Variants in FAM107B observed in about 807,000 individuals in gnomAD.
The protein encoded by FAM107B is family with sequence similarity 107 member B.
Under a neutral mutation model 31.5 loss-of-function variants are expected in FAM107B, and 21 were observed. That is an observed-to-expected ratio of 0.67 (90% CI 0.47 to 0.96). FAM107B has a LOEUF of 0.96. FAM107B is among the 40% of genes least tolerant of loss of function. The probability of loss-of-function intolerance (pLI) is 0.00; values close to 1 mark genes in which losing one functional copy is unlikely to be tolerated. For synonymous variants in FAM107B, 157 were observed against 141.5 expected (o/e 1.11, Z -0.78); for missense variants, 452 against 377.1 (o/e 1.20, Z -1.64).
chr10:14,639,629 A>G (rs1853583468), intron 2 of FAM107B, among the ~76,000 whole-genome samples: 1 of 152,108 alleles, frequency 6.6e-6, no homozygotes, highest in African/African-American at 2.4e-5. Flanking sequence ...TTACATTCCA[A>G]TTCCAGCCTT....
At chr10:14,653,938 A>T (rs1360128758) in intron 2 of FAM107B, 1 of 152,204 alleles carries the variant, frequency 6.6e-6, no homozygotes, top group Non-Finnish European at 1.5e-5. Context: ...GTAAATATGC[A>T]AGGAAGAGTT....
intron 2 of FAM107B, among the ~76,000 whole-genome samples, chr10:14,584,477 C>A (rs1275441845): frequency 6.6e-6 from 1 of 152,228 alleles, no homozygotes; most frequent in Non-Finnish European, 1.5e-5. Flanking sequence ...AGTCTCAAAA[C>A]ATGACAACAG....
chr10:14,572,481 T>G, intron 2 of FAM107B: 1 of 848,226 alleles, frequency 1.2e-6, no homozygotes, highest in Non-Finnish European at 1.4e-6. Flanking sequence ...CCAATCAGAA[T>G]GGCCCTCCTG....
At chr10:14,636,696 A>AG (rs1189156106) in intron 2 of FAM107B, among the ~76,000 whole-genome samples, 63 of 142,554 alleles carry the variant, frequency 4.4e-4, no homozygotes, top group Admixed American at 2.1e-3. Flanking sequence ...TATGAATTTT[A>AG]GGGGGGGTGG....
At chr10:14,727,432 C>T (rs1856062979) in intron 1 of FAM107B, among the ~76,000 whole-genome samples, 1 of 152,234 alleles carries the variant, frequency 6.6e-6, no homozygotes, top group African/African-American at 2.4e-5. Context: ...GGACTTGCAA[C>T]TGTCAGCAGC....
chr10:14,682,721 T>A (rs557181027), intron 1 of FAM107B, among the ~76,000 whole-genome samples: 6 of 151,804 alleles, frequency 4.0e-5, no homozygotes, highest in African/African-American at 1.5e-4. Context: ...GAGGGGAACA[T>A]CACACAGCAG....
chr10:14,558,128 G>A (rs758966952), intron 2 of FAM107B, among the ~76,000 whole-genome samples: 3 of 152,140 alleles, frequency 2.0e-5, no homozygotes, highest in South Asian at 4.1e-4. Context: ...TAAATGCACC[G>A]CCAGACTTGG....
intron 1 of FAM107B, among the ~76,000 whole-genome samples, chr10:14,689,239 G>T (rs1564626547): frequency 6.6e-6 from 1 of 151,952 alleles, no homozygotes; most frequent in Non-Finnish European, 1.5e-5. Context: ...AATTAGCCAG[G>T]CTTGATAGTA....
At chr10:14,669,356 C>T (rs1465846469) in intron 1 of FAM107B, among the ~76,000 whole-genome samples, 5 of 94,520 alleles carry the variant, frequency 5.3e-5, no homozygotes, top group Non-Finnish European at 6.0e-5. Flanking sequence ...GGCCACAGAG[C>T]GAGACTCTGT....
chr10:14,525,404 T>C (rs1251388659), intron 3 of FAM107B, among the ~76,000 whole-genome samples: 1 of 152,174 alleles, frequency 6.6e-6, no homozygotes, highest in Non-Finnish European at 1.5e-5. Context: ...TAAGTGCTCT[T>C]TGCAGAAAAA....
chr10:14,569,621 T>C (rs920962238), intron 2 of FAM107B, among the ~76,000 whole-genome samples: 2 of 152,240 alleles, frequency 1.3e-5, no homozygotes, highest in Middle Eastern at 3.4e-3. Flanking sequence ...TTGGGAAAGA[T>C]GGAAATAGGC....
At chr10:14,588,479 G>A (rs1003220188) in intron 2 of FAM107B, among the ~76,000 whole-genome samples, 4 of 152,190 alleles carry the variant, frequency 2.6e-5, no homozygotes, top group African/African-American at 7.2e-5. Flanking sequence ...CTCCCTGGAC[G>A]CTACCAGGGT....
intron 1 of FAM107B, among the ~76,000 whole-genome samples, chr10:14,769,679 C>T (rs976087734): frequency 1.3e-5 from 2 of 152,216 alleles, no homozygotes; most frequent in African/African-American, 2.4e-5. Context: ...AGCCACCGCG[C>T]CCGGCCACAA....
At chr10:14,717,121 A>G (rs996589109) in intron 1 of FAM107B, among the ~76,000 whole-genome samples, 1 of 151,940 alleles carries the variant, frequency 6.6e-6, no homozygotes, top group Non-Finnish European at 1.5e-5. Context: ...AATTAAAGTG[A>G]CTTGTACATG....
At position 14,520,388 on chromosome 10, in the gene FAM107B, A is replaced by C. The variant is rs750408745; in HGVS notation, c.*802T>G. 8.5e-5 allele frequency: 13 copies of C among 152,218 alleles called. No individual in the cohort carries two copies. The highest frequency in any genetic ancestry group is 1.9e-4 in the Non-Finnish European group (13 of 68,036). 9.4% of individuals were successfully genotyped at this position (152,218 alleles called of 1,614,324 possible). ...CTAGTTCCACTCTCTAAGGGACTGG[A>C]AGGTTATTCCATCTGAAAGAACTAG... On this transcript the variant is annotated 3_prime_UTR_variant, in exon 5 of 5. Coordinates refer to ENST00000181796, the MANE Select transcript of FAM107B (RefSeq NM_031453.4).
At chr10:14,536,257 C>T (rs1204959975) in intron 2 of FAM107B, among the ~76,000 whole-genome samples, 1 of 152,236 alleles carries the variant, frequency 6.6e-6, no homozygotes, top group Non-Finnish European at 1.5e-5. Context: ...AAAACAATCT[C>T]TTGGCACGTG....
At chr10:14,549,222 C>T (rs533762422) in intron 2 of FAM107B, among the ~76,000 whole-genome samples, 3 of 152,316 alleles carry the variant, frequency 2.0e-5, no homozygotes, top group African/African-American at 7.2e-5. Context: ...CCTAAAGAGA[C>T]TAAGACACAT....
chr10:14,629,402 T>C (rs1447678834), intron 2 of FAM107B, among the ~76,000 whole-genome samples: 3 of 3,926 alleles, frequency 7.6e-4, no homozygotes, highest in East Asian at 0.011. Flanking sequence ...ATATATATTA[T>C]ATATTTAATA....
chr10:14,766,021 G>A (rs1421774921), intron 1 of FAM107B, among the ~76,000 whole-genome samples: 1 of 152,194 alleles, frequency 6.6e-6, no homozygotes, highest in Non-Finnish European at 1.5e-5. Context: ...ACTGACATCT[G>A]CAGATGGTAC....
Sources: gnomAD v4.1 joint callset for allele counts (sites outside exome capture counted in the v4.1 genomes callset) on GRCh38, gnomAD v4.1.1 for gene constraint, MANE v1.5 for transcripts, NCBI Gene and HGNC (gene_info 2026-07-23, HGNC 2026-07-21) for gene names.